PTPRO: variants seen among roughly 807,000 people sequenced by gnomAD.
The protein encoded by PTPRO is protein tyrosine phosphatase receptor type O.
A neutral mutation model predicts 145.2 loss-of-function variants in PTPRO; 62 were observed. The observed-to-expected ratio is 0.43, with a 90% CI of 0.35 to 0.53. The LOEUF is 0.53. PTPRO is among the 20% of genes least tolerant of loss of function. The pLI is 0.01. For synonymous variants in PTPRO, 565 were observed against 514.7 expected (o/e 1.10, Z -1.32); for missense variants, 1,345 against 1,482.7 (o/e 0.91, Z 1.53).
At chr12:15,536,385 A>G (rs1943066008) in intron 12 of PTPRO, among the ~76,000 whole-genome samples, 1 of 152,178 alleles carries the variant, frequency 6.6e-6, no homozygotes, top group Non-Finnish European at 1.5e-5. Flanking sequence ...GATCACTGGG[A>G]TGAGATTCTG....
At chr12:15,542,931 C>T (rs963657278) in intron 12 of PTPRO, among the ~76,000 whole-genome samples, 1 of 152,152 alleles carries the variant, frequency 6.6e-6, no homozygotes, top group Non-Finnish European at 1.5e-5. Flanking sequence ...TTTCCTGGGA[C>T]AGTTGTTGTC....
chr12:15,411,038 G>T (rs1227530084), intron 1 of PTPRO, among the ~76,000 whole-genome samples: 2 of 152,202 alleles, frequency 1.3e-5, no homozygotes, highest in Non-Finnish European at 2.9e-5. Flanking sequence ...GCTATGAGAA[G>T]TATGAAGTTG....
At chr12:15,539,167 T>G in intron 12 of PTPRO, among the ~76,000 whole-genome samples, 1 of 149,542 alleles carries the variant, frequency 6.7e-6, no homozygotes, top group African/African-American at 2.5e-5. Flanking sequence ...GGTGAGGGGG[T>G]GGGAAGTGGG....
chr12:15,391,702 T>C (rs1400354385), intron 1 of PTPRO, among the ~76,000 whole-genome samples: 1 of 152,240 alleles, frequency 6.6e-6, no homozygotes, highest in Non-Finnish European at 1.5e-5. Flanking sequence ...GTGGTAGCTG[T>C]AGTTTCAACT....
chr12:15,452,932 A>C (rs1941083913), intron 1 of PTPRO, among the ~76,000 whole-genome samples: 1 of 152,212 alleles, frequency 6.6e-6, no homozygotes, highest in East Asian at 1.9e-4. Flanking sequence ...TATTTGTTGG[A>C]TATGGAAGCT....
chr12:15,412,318 CA>C (rs1387083209), intron 1 of PTPRO, among the ~76,000 whole-genome samples: 4 of 152,186 alleles, frequency 2.6e-5, no homozygotes, highest in African/African-American at 9.7e-5. Context: ...TGTTTCAAGA[CA>C]AATAAAATTC....
At chr12:15,418,116 A>G (rs73057292) in intron 1 of PTPRO, among the ~76,000 whole-genome samples, 2,448 of 151,936 alleles carry the variant, frequency 0.016, 31 homozygotes, top group South Asian at 0.035. Flanking sequence ...AACTTTTTCA[A>G]TGAAGGAAGT....
At chr12:15,592,157 A>G (rs113282827) in intron 25 of PTPRO, among the ~76,000 whole-genome samples, 4,649 of 151,814 alleles carry the variant, frequency 0.031, 118 homozygotes, top group Non-Finnish European at 0.043. Flanking sequence ...TCTGCTTACC[A>G]TGGTTCATCC....
rs758918037 is a variant in PTPRO, at chr12:15,549,152, C to T, written c.2363C>T (p.Ala788Val). The T allele has an allele frequency of 6.2e-7, 1 of 1,613,490 alleles. No homozygotes were observed. The highest frequency in any genetic ancestry group is 1.7e-5 in the Admixed American group (1 of 59,992). The change falls in exon 14 of 27, where the codon GCC (alanine) becomes GTC (valine). Residue 788 changes from alanine (A) to valine (V), a missense_variant. Ala to Val is a moderately conservative substitution (Grantham distance 64). This residue lies in a region of PTPRO where 1,130 missense variants were observed against 1,214.7 expected (regional missense o/e 0.93). Coordinates refer to ENST00000281171, the MANE Select transcript of PTPRO (RefSeq NM_030667.3). ...ATCTCCAGCCTTCTTCCTGCCACTG[C>T]CTACAATTGTAGTGTCACCAGCTTT... ...VTISSLLPATAYNCSVTSFSH... is the reference protein window; with the variant it reads ...VTISSLLPATVYNCSVTSFSH...
At chr12:15,526,952 T>C (rs1380107604) in intron 12 of PTPRO, among the ~76,000 whole-genome samples, 1 of 152,104 alleles carries the variant, frequency 6.6e-6, no homozygotes, top group Non-Finnish European at 1.5e-5. Flanking sequence ...AGGTAGATAC[T>C]AGAATAAAAA....
At chr12:15,549,025 T>C in intron 13 of PTPRO, 69 bp from the exon 14 acceptor site, 1 of 1,495,956 alleles carries the variant, frequency 6.7e-7, no homozygotes, top group Non-Finnish European at 9.3e-7. Context: ...CCAACTCAAC[T>C]ATGAAATATA....
chr12:15,595,088 C>A (rs1420616938), intron 26 of PTPRO, 31 bp downstream of exon 26: 1 of 1,380,052 alleles, frequency 7.2e-7, no homozygotes, highest in South Asian at 1.2e-5. Context: ...CACGAGTGCT[C>A]AGTCTTAGAA....
At chr12:15,580,596 T>G (rs1364259344) in intron 21 of PTPRO, 101 bp from the exon 22 acceptor site, 2 of 1,470,364 alleles carry the variant, frequency 1.4e-6, no homozygotes, top group African/African-American at 2.8e-5. Context: ...CTTTGCCAAT[T>G]TTATCACCAG....
chr12:15,524,441 C>A (rs911968209), intron 10 of PTPRO, among the ~76,000 whole-genome samples: 32 of 152,086 alleles, frequency 2.1e-4, no homozygotes, highest in African/African-American at 7.7e-4. Flanking sequence ...TTTTTTAATC[C>A]TACTTGGCTA....
chr12:15,372,558 T>G (rs1448896248), intron 1 of PTPRO, among the ~76,000 whole-genome samples: 2 of 152,314 alleles, frequency 1.3e-5, no homozygotes, highest in East Asian at 3.9e-4. Context: ...ACCACTATGA[T>G]TTTGTGGGAT....
At chr12:15,502,672 C>G (rs1861593) in intron 5 of PTPRO, among the ~76,000 whole-genome samples, 146,594 of 152,258 alleles carry the variant, frequency 0.96, 70,629 homozygotes, top group Middle Eastern at 1. Flanking sequence ...ACTAACTCAG[C>G]ATCTGAGGTT....
chr12:15,376,914 G>C (rs1938706432), intron 1 of PTPRO, among the ~76,000 whole-genome samples: 1 of 152,092 alleles, frequency 6.6e-6, no homozygotes, highest in Admixed American at 6.6e-5. Flanking sequence ...AGTGTAATAG[G>C]TAAATAGAAA....
intron 2 of PTPRO, among the ~76,000 whole-genome samples, chr12:15,493,945 G>A (rs546414106): frequency 6.6e-6 from 1 of 152,246 alleles, no homozygotes; most frequent in Admixed American, 6.5e-5. Context: ...ATTTTTAGAC[G>A]TTCTTGTATC....
At chr12:15,395,287 C>G (rs1241651103) in intron 1 of PTPRO, among the ~76,000 whole-genome samples, 1 of 151,988 alleles carries the variant, frequency 6.6e-6, no homozygotes, top group Non-Finnish European at 1.5e-5. Context: ...TTAAATATTT[C>G]AGTAATTTGG....
Sources: allele counts gnomAD v4.1 joint callset (sites outside exome capture counted in the v4.1 genomes callset), GRCh38; gene constraint gnomAD v4.1.1; regional missense constraint gnomAD v4.1.1; transcripts MANE v1.5; gene names NCBI Gene and HGNC (gene_info 2026-07-23, HGNC 2026-07-21).